Variants in AASS observed in about 807,000 individuals in gnomAD.
The protein encoded by AASS is alpha-aminoadipic semialdehyde synthase, mitochondrial.
Under a neutral mutation model 105.4 loss-of-function variants are expected in AASS, and 86 were observed. That is an observed-to-expected ratio of 0.82 (90% confidence interval 0.69 to 0.98). The LOEUF is 0.98. Among genes scored for constraint, AASS ranks in the 50% least tolerant of loss-of-function variants. AASS has a pLI of 0.00. For missense variants in AASS, 1,048 were observed against 1,143.2 expected (o/e 0.92, Z 1.20); for synonymous variants, 381 against 394.8 (o/e 0.96, Z 0.41).
At chr7:122,092,181 T>C (rs758237633) in intron 17 of AASS, among the ~76,000 whole-genome samples, 1 of 151,578 alleles carries the variant, frequency 6.6e-6, no homozygotes, top group Non-Finnish European at 1.5e-5. Flanking sequence ...TACATATATA[T>C]ACACACACAT....
chr7:122,117,047 T>C (rs759020898), intron 6 of AASS, 90 bp from the exon 7 acceptor site: 8 of 1,186,720 alleles, frequency 6.7e-6, no homozygotes, highest in Non-Finnish European at 9.9e-6. Flanking sequence ...TTCCCAACAA[T>C]TACATAGCTC....
intron 8 of AASS, among the ~76,000 whole-genome samples, chr7:122,116,353 G>T (rs904433993): frequency 6.6e-6 from 1 of 152,130 alleles, no homozygotes. Flanking sequence ...AAACAGTAAC[G>T]CACAGGAAAT....
chr7:122,138,596 A>G (rs528434930), intron 1 of AASS, among the ~76,000 whole-genome samples: 1 of 152,282 alleles, frequency 6.6e-6, no homozygotes, highest in African/African-American at 2.4e-5. Flanking sequence ...AGGAACTACT[A>G]TGTACTGAGA....
intron 23 of AASS, among the ~76,000 whole-genome samples, chr7:122,077,624 C>T (rs1793085179): frequency 6.6e-6 from 1 of 152,238 alleles, no homozygotes; most frequent in Non-Finnish European, 1.5e-5. Flanking sequence ...CACCTTGGAA[C>T]TGAGCGGAAG....
chr7:122,079,512 T>A (rs1252027729), intron 21 of AASS, 85 bp downstream of exon 21: 1 of 1,201,122 alleles, frequency 8.3e-7, no homozygotes, highest in African/African-American at 1.5e-5. Context: ...CAAAGACAAA[T>A]GTAAAATATT....
Position 122,098,236 on chromosome 7 carries a change from C to T in AASS, c.1655+214G>A, listed in dbSNP as rs1054903352. 1.3e-4 allele frequency among the ~76,000 whole-genome samples: 20 copies of T among 151,844 alleles called. 1 individual carries two copies. Among genetic ancestry groups the T allele is most frequent in the African/African-American group, 4.8e-4 (20 of 41,390 alleles). On this transcript the variant is annotated intron_variant, in intron 15 of 23. Coordinates refer to ENST00000417368, the MANE Select transcript of AASS (RefSeq NM_005763.4). ...GGGCTTCTGGGGAATTACTGATACT[C>T]TTGTTTCCTGACATAAATAATCATC...
Position 122,098,576 on chromosome 7 carries a change from C to T in AASS, c.1529G>A (p.Gly510Glu). The T allele has an allele frequency of 6.2e-7, 1 of 1,607,052 alleles. No homozygotes were observed. The highest frequency in any genetic ancestry group is 8.5e-7 in the Non-Finnish European group (1 of 1,175,160). ...TTCAATTTGATTCTTCATGTCAGAT[C>T]CTATTTCAGTAATTAAAAGTCACAT... ...SRDGNIEITVGSDMKNQIEQL... is the reference protein window; with the variant it reads ...SRDGNIEITVESDMKNQIEQL... Residue 510 changes from glycine to glutamate, a missense_variant and splice_region_variant, in exon 15 of 24, where the codon GGA (glycine) becomes GAA (glutamate). Gly to Glu is a moderately conservative substitution (Grantham distance 98). Coordinates refer to ENST00000417368, the MANE Select transcript of AASS (RefSeq NM_005763.4).
Position 122,133,533 on chromosome 7 carries a change from C to T in AASS, c.194G>A (p.Arg65Gln), listed in dbSNP as rs587777125. The change falls in exon 2 of 24, where the codon CGG (arginine) becomes CAG (glutamine). Residue 65 changes from arginine (R) to glutamine (Q), a missense_variant. Arg to Gln is a conservative substitution (Grantham distance 43). Coordinates refer to ENST00000417368, the MANE Select transcript of AASS (RefSeq NM_005763.4). ...YKVLIQPSNR[R>Q]AIHDKDYVKA... ...AATACTCACCTTATCATGAATGGCCCGCCGATTCGAAGGCTGTATCAAGAC... is the reference window on the plus strand; with the variant it reads ...AATACTCACCTTATCATGAATGGCCTGCCGATTCGAAGGCTGTATCAAGAC... 12 of 1,614,026 alleles carry T rather than the reference C, an allele frequency of 7.4e-6. No homozygotes were observed. Among genetic ancestry groups the T allele is most frequent in the South Asian group, 1.1e-5 (1 of 91,086 alleles).
intron 9 of AASS, among the ~76,000 whole-genome samples, chr7:122,114,332 G>A (rs781539980): frequency 6.6e-5 from 10 of 152,182 alleles, no homozygotes; most frequent in South Asian, 6.2e-4. Flanking sequence ...GGTTTGCTGC[G>A]CCCAATGCTT....
intron 21 of AASS, 160 bp downstream of exon 21, chr7:122,079,437 T>C: frequency 2.7e-6 from 3 of 1,098,690 alleles, no homozygotes; most frequent in Non-Finnish European, 4.0e-6. Context: ...CTTTATCTAC[T>C]CTTTATGCCC....
chr7:122,135,322 GA>G (rs1272486017), intron 1 of AASS, among the ~76,000 whole-genome samples: 11 of 150,284 alleles, frequency 7.3e-5, no homozygotes, highest in African/African-American at 2.7e-4. Context: ...TCTTTAACCA[GA>G]GGTGTTAGAA....
At chr7:122,135,176 T>C (rs1216813960) in intron 1 of AASS, among the ~76,000 whole-genome samples, 1 of 151,070 alleles carries the variant, frequency 6.6e-6, no homozygotes, top group African/African-American at 2.4e-5. Flanking sequence ...CTAATGTAAA[T>C]GACGAGTTAA....
intron 9 of AASS, among the ~76,000 whole-genome samples, chr7:122,114,868 C>A (rs1274229019): frequency 6.6e-6 from 1 of 151,656 alleles, no homozygotes; most frequent in Non-Finnish European, 1.5e-5. Context: ...ATAACAAGAC[C>A]CCATCTCTAA....
At chr7:122,080,521 A>T (rs1383450332) in intron 20 of AASS, among the ~76,000 whole-genome samples, 1 of 152,182 alleles carries the variant, frequency 6.6e-6, no homozygotes, top group Non-Finnish European at 1.5e-5. Flanking sequence ...CTCTGCAGAT[A>T]CTTGTTCACT....
At chr7:122,127,083 T>C (rs142632325) in intron 3 of AASS, among the ~76,000 whole-genome samples, 76 of 152,272 alleles carry the variant, frequency 5.0e-4, no homozygotes, top group African/African-American at 1.6e-3. Context: ...TTTTTCCCTC[T>C]CCTTCCTTTT....
chr7:122,119,079 A>T (rs1795322937), intron 4 of AASS, among the ~76,000 whole-genome samples: 1 of 152,150 alleles, frequency 6.6e-6, no homozygotes, highest in African/African-American at 2.4e-5. Context: ...GGCTCCCATC[A>T]TCTATTTAGT....
Position 122,077,987 on chromosome 7 carries a change from A to T in AASS, c.2513T>A (p.Met838Lys). ...YGPEEKDMIV[M>K]RDSFGIRHPS... ...ATGTCTGATTCCAAAGCTGTCTCTC[A>T]TCACAATCATATCTTTTTCTTCAGG... is the stretch of plus-strand genomic sequence containing the variant. Residue 838 changes from methionine to lysine, a missense_variant, in exon 23 of 24, where the codon ATG becomes AAG. Transcript: ENST00000417368. The T allele has an allele frequency of 1.2e-6, 2 of 1,614,158 alleles. No individual in the cohort carries two copies. Among genetic ancestry groups the T allele is most frequent in the Non-Finnish European group, 1.7e-6 (2 of 1,180,000 alleles).
chr7:122,086,288 A>G lies in AASS; in HGVS notation c.2017-109T>C, dbSNP rs1793621302. 2.8e-6 allele frequency: 3 copies of G among 1,086,910 alleles called. No homozygotes were observed. The South Asian group carries it at 4.3e-5, about 15-fold the overall frequency. 67.3% of individuals were successfully genotyped at this position (1,086,910 alleles called of 1,614,324 possible). On this transcript the variant is annotated intron_variant, in intron 18 of 23. Transcript: ENST00000417368. The stretch of plus-strand genomic sequence containing the variant: ...CAACAGAAATTTGAAAAAAAAAATA[A>G]AAATAATGAAACCACCATAATCATC...
chr7:122,091,289 G>A (rs561788262), intron 18 of AASS, among the ~76,000 whole-genome samples: 2 of 152,070 alleles, frequency 1.3e-5, no homozygotes, highest in Non-Finnish European at 2.9e-5. Context: ...TCCATTCCAA[G>A]AGCCCCATCC....
Sources: gnomAD v4.1 joint callset for allele counts (sites outside exome capture counted in the v4.1 genomes callset) on GRCh38, gnomAD v4.1.1 for gene constraint, MANE v1.5 for transcripts, NCBI Gene and HGNC (gene_info 2026-07-23, HGNC 2026-07-21) for gene names.